Variants in PGM5 observed in about 807,000 individuals in gnomAD.
PGM5 encodes phosphoglucomutase 5.
Under a neutral mutation model 59.2 loss-of-function variants are expected in PGM5, and 23 were observed. The ratio of observed to expected loss-of-function variants is 0.39; its 90% CI spans 0.28 to 0.55. The LOEUF is 0.55. Among genes scored for constraint, PGM5 ranks in the 20% least tolerant of loss-of-function variants. The pLI, the probability that PGM5 is intolerant of heterozygous loss-of-function variation, is 0.66. For synonymous variants in PGM5, 214 were observed against 286.0 expected, an observed-to-expected ratio of 0.75 and a Z score of 2.54; for missense variants, 574 against 748.3, an observed-to-expected ratio of 0.77 and a Z score of 2.72.
At chr9:68,492,418 C>A (rs549968122) in intron 9 of PGM5, among the ~76,000 whole-genome samples, 1 of 152,132 alleles carries the variant, frequency 6.6e-6, no homozygotes, top group Admixed American at 6.5e-5. Context: ...TTTAAAAGAG[C>A]GTGTAAGGAG....
chr9:68,370,389 GA>G (rs1821661770), intron 1 of PGM5, among the ~76,000 whole-genome samples: 1 of 152,118 alleles, frequency 6.6e-6, no homozygotes, highest in East Asian at 1.9e-4. Flanking sequence ...TATGTCACAG[GA>G]AAAACTCATT....
chr9:68,364,712 C>T (rs549397613), intron 1 of PGM5, among the ~76,000 whole-genome samples: 16 of 152,168 alleles, frequency 1.1e-4, no homozygotes, highest in African/African-American at 3.9e-4. Flanking sequence ...TACAGGAGCC[C>T]TTGGCTCCAT....
chr9:68,436,485 G>T (rs1226772244), intron 6 of PGM5, among the ~76,000 whole-genome samples: 2 of 152,158 alleles, frequency 1.3e-5, no homozygotes, highest in East Asian at 3.9e-4. Context: ...CAGAGAGAAG[G>T]AGTATCTGGG....
intron 6 of PGM5, among the ~76,000 whole-genome samples, chr9:68,452,759 G>C (rs1823717654): frequency 1.3e-5 from 2 of 152,214 alleles, no homozygotes; most frequent in Non-Finnish European, 2.9e-5. Flanking sequence ...CAGAGTGGAT[G>C]CTAAGGCAGG....
intron 6 of PGM5, among the ~76,000 whole-genome samples, chr9:68,434,316 C>CAAA (rs71353054): frequency 2.8e-3 from 254 of 90,586 alleles, no homozygotes; most frequent in East Asian, 3.7e-3. Flanking sequence ...GACTCCGTCT[C>CAAA]AAAAAAAAAA....
intron 6 of PGM5, among the ~76,000 whole-genome samples, chr9:68,439,359 C>G (rs2132061774): frequency 6.7e-6 from 1 of 148,640 alleles, no homozygotes; most frequent in South Asian, 2.1e-4. Flanking sequence ...GGGCAAGATG[C>G]TGTTTCAATA....
Position 68,481,746 on chromosome 9 carries a change from C to T in PGM5, c.1296-2119C>T, listed in dbSNP as rs528876434. Reference sequence around the variant, plus strand: ...CCATATTTGAAAATAATATGCAATACAGATTTAATTTCTTCTAGGACATTG... The same window carrying T: ...CCATATTTGAAAATAATATGCAATATAGATTTAATTTCTTCTAGGACATTG... On this transcript the variant is annotated intron_variant, in intron 8 of 10. Coordinates refer to ENST00000396396, the MANE Select transcript of PGM5 (RefSeq NM_021965.4). 9.2e-5 allele frequency among the ~76,000 whole-genome samples: 14 copies of T among 152,234 alleles called. No homozygotes were observed. In the South Asian group the frequency reaches 2.9e-3, roughly 32 times the overall value.
At chr9:68,371,009 ATGTGGACCCTGGGATCTGTATCTG>A (rs1325915128) in intron 1 of PGM5, among the ~76,000 whole-genome samples, 3 of 151,942 alleles carry the variant, frequency 2.0e-5, no homozygotes, top group South Asian at 2.1e-4. Flanking sequence ...TATGTGATAG[ATGTGGACCCTGGGATCTGTATCTG>A]TGTGGACCCT....
chr9:68,502,927 G>C (rs967224014), intron 10 of PGM5, among the ~76,000 whole-genome samples: 15 of 152,146 alleles, frequency 9.9e-5, no homozygotes, highest in African/African-American at 3.1e-4. Flanking sequence ...GACCTCAAGT[G>C]ATCCACCCGC....
intron 1 of PGM5, among the ~76,000 whole-genome samples, chr9:68,372,596 G>T (rs1160863443): frequency 2.0e-5 from 3 of 152,104 alleles, no homozygotes; most frequent in African/African-American, 7.2e-5. Context: ...CCCATGCATA[G>T]CCTTCACCCC....
intron 10 of PGM5, among the ~76,000 whole-genome samples, chr9:68,517,523 C>T (rs949230302): frequency 1.3e-5 from 2 of 152,186 alleles, no homozygotes; most frequent in African/African-American, 4.8e-5. Context: ...CCCACCAACA[C>T]AGGCAGTAAG....
intron 4 of PGM5, among the ~76,000 whole-genome samples, chr9:68,389,394 G>A (rs1554679251): frequency 1.3e-5 from 2 of 151,996 alleles, no homozygotes; most frequent in African/African-American, 2.4e-5. Flanking sequence ...GCCCTTTGTA[G>A]TCAAACCTCT....
At chr9:68,524,095 C>T (rs1209851042) in intron 10 of PGM5, among the ~76,000 whole-genome samples, 3 of 151,902 alleles carry the variant, frequency 2.0e-5, no homozygotes, top group African/African-American at 7.3e-5. Flanking sequence ...TCTGTCTTTC[C>T]AGGGAGTATG....
intron 1 of PGM5, among the ~76,000 whole-genome samples, chr9:68,368,534 G>C (rs1834724286): frequency 6.6e-6 from 1 of 152,250 alleles, no homozygotes; most frequent in Non-Finnish European, 1.5e-5. Context: ...TTCTTAGTGA[G>C]CAGGTTTATG....
intron 2 of PGM5, among the ~76,000 whole-genome samples, chr9:68,383,927 C>T (rs1167157481): frequency 1.3e-5 from 2 of 151,680 alleles, no homozygotes; most frequent in African/African-American, 4.8e-5. Context: ...ATTAACTTAC[C>T]CTGCTAAGCT....
chr9:68,440,523 T>C (rs1823508895), intron 6 of PGM5, among the ~76,000 whole-genome samples: 1 of 152,176 alleles, frequency 6.6e-6, no homozygotes, highest in Admixed American at 6.5e-5. Flanking sequence ...GTAGATGTCC[T>C]TTATTTGGCT....
chr9:68,444,460 A>G (rs141479878), intron 6 of PGM5, among the ~76,000 whole-genome samples: 1 of 152,334 alleles, frequency 6.6e-6, no homozygotes, highest in East Asian at 1.9e-4. Flanking sequence ...GTAACCCAGA[A>G]TCAATGAAAA....
chr9:68,464,363 G>A (rs1423018995), intron 6 of PGM5, among the ~76,000 whole-genome samples: 3 of 152,192 alleles, frequency 2.0e-5, no homozygotes, highest in Non-Finnish European at 4.4e-5. Context: ...GGATTGAAAT[G>A]CAGTCACAAC....
chr9:68,417,863 CT>C (rs142961293), intron 6 of PGM5, among the ~76,000 whole-genome samples: 8,780 of 152,234 alleles, frequency 0.058, 867 homozygotes, highest in African/African-American at 0.2. Context: ...TGTCTCTCCC[CT>C]GTCTCTGGTT....
Sources: allele counts gnomAD v4.1 joint callset (sites outside exome capture counted in the v4.1 genomes callset), GRCh38; gene constraint gnomAD v4.1.1; transcripts MANE v1.5; gene names NCBI Gene and HGNC (gene_info 2026-07-23, HGNC 2026-07-21).